Variants in KCNH8 observed in about 807,000 individuals in gnomAD.
KCNH8 encodes voltage-gated delayed rectifier potassium channel KCNH8.
A neutral mutation model predicts 103.6 loss-of-function variants in KCNH8; 70 were observed. The observed-to-expected ratio is 0.68, with a 90% confidence interval of 0.56 to 0.82. KCNH8 has a LOEUF of 0.82. Among genes scored for constraint, KCNH8 ranks in the 40% least tolerant of loss-of-function variants. KCNH8 has a pLI of 0.00. For synonymous variants in KCNH8, 498 were observed against 489.4 expected, an observed-to-expected ratio of 1.02 and a Z score of -0.23; for missense variants, 1,217 against 1,329.9, an observed-to-expected ratio of 0.92 and a Z score of 1.32.
intron 1 of KCNH8, among the ~76,000 whole-genome samples, chr3:19,151,713 A>G (rs2063132150): frequency 6.6e-6 from 1 of 151,954 alleles, no homozygotes; most frequent in Non-Finnish European, 1.5e-5. Flanking sequence ...TAACTTAGTG[A>G]CACTTTATTA....
chr3:19,279,424 C>T (rs552160057), intron 2 of KCNH8, among the ~76,000 whole-genome samples: 115 of 152,142 alleles, frequency 7.6e-4, no homozygotes, highest in South Asian at 1.5e-3. Context: ...ATGGGTTAAT[C>T]GACTTCCCTA....
chr3:19,278,819 G>A (rs546790552), intron 2 of KCNH8, among the ~76,000 whole-genome samples: 2 of 152,254 alleles, frequency 1.3e-5, no homozygotes, highest in East Asian at 1.9e-4. Context: ...AATATAATGT[G>A]AAATGATGGC....
At chr3:19,366,652 G>T (rs1022990215) in intron 5 of KCNH8, among the ~76,000 whole-genome samples, 10 of 151,730 alleles carry the variant, frequency 6.6e-5, no homozygotes, top group African/African-American at 2.4e-4. Flanking sequence ...CACTTTTCAA[G>T]TATGTTTTCT....
intron 3 of KCNH8, among the ~76,000 whole-genome samples, chr3:19,289,006 C>T (rs1159535161): frequency 6.6e-6 from 1 of 152,102 alleles, no homozygotes; most frequent in Non-Finnish European, 1.5e-5. Context: ...TTTCACGTGT[C>T]TTTTGGCTGC....
intron 11 of KCNH8, among the ~76,000 whole-genome samples, chr3:19,489,963 C>A (rs909701342): frequency 2.0e-5 from 3 of 152,204 alleles, no homozygotes; most frequent in African/African-American, 7.2e-5. Context: ...ACCAGTCTTA[C>A]CAAGTTTCAG....
At chr3:19,265,429 C>T (rs190672715) in intron 2 of KCNH8, among the ~76,000 whole-genome samples, 65 of 152,204 alleles carry the variant, frequency 4.3e-4, no homozygotes, top group African/African-American at 1.3e-3. Flanking sequence ...GCACAGACCG[C>T]ATGCCCATGA....
chr3:19,339,549 C>T (rs115475939), intron 3 of KCNH8, among the ~76,000 whole-genome samples: 140 of 152,136 alleles, frequency 9.2e-4, no homozygotes, highest in Non-Finnish European at 1.6e-3. Flanking sequence ...CTTAACTTTT[C>T]GCAGTAACAA....
intron 1 of KCNH8, among the ~76,000 whole-genome samples, chr3:19,152,575 A>G (rs1403880557): frequency 6.6e-6 from 1 of 152,168 alleles, no homozygotes; most frequent in Non-Finnish European, 1.5e-5. Flanking sequence ...TTGTTTAGAA[A>G]CTCATTAATA....
chr3:19,266,521 G>T (rs2064512853), intron 2 of KCNH8, among the ~76,000 whole-genome samples: 1 of 152,046 alleles, frequency 6.6e-6, no homozygotes, highest in Non-Finnish European at 1.5e-5. Flanking sequence ...ATGTGTCACA[G>T]TAGGCACCAC....
intron 2 of KCNH8, among the ~76,000 whole-genome samples, chr3:19,273,065 T>A (rs1227718933): frequency 6.6e-6 from 1 of 152,160 alleles, no homozygotes; most frequent in Non-Finnish European, 1.5e-5. Flanking sequence ...TTCTTTTGGA[T>A]CCTAAACTAG....
Position 19,451,286 on chromosome 3 carries a change from C to A in KCNH8, c.1707C>A (p.Thr569=). 6.2e-7 allele frequency: 1 copy of A among 1,613,952 alleles called. No individual in the cohort carries two copies. The highest frequency in any genetic ancestry group is 1.3e-5 in the African/African-American group (1 of 75,034). ...CLRSLSLHIK[T]SFCAPGEYLL... ...GGTCTCTGTCTCTACACATCAAAACCTCTTTCTGTGCTCCGGGGGAGTATC... is the reference window on the plus strand; with the variant it reads ...GGTCTCTGTCTCTACACATCAAAACATCTTTCTGTGCTCCGGGGGAGTATC... Residue 569 remains threonine (T), a synonymous_variant, in exon 10 of 16, where the codon ACC becomes ACA. Coordinates refer to ENST00000328405, the MANE Select transcript of KCNH8 (RefSeq NM_144633.3).
chr3:19,345,989 G>A (rs948451589), intron 4 of KCNH8, among the ~76,000 whole-genome samples: 19 of 152,078 alleles, frequency 1.2e-4, no homozygotes, highest in African/African-American at 4.6e-4. Context: ...TCACTTTTGA[G>A]TTTTCCCAAA....
At chr3:19,487,246 A>G (rs891130988) in intron 11 of KCNH8, among the ~76,000 whole-genome samples, 1 of 152,172 alleles carries the variant, frequency 6.6e-6, no homozygotes, top group African/African-American at 2.4e-5. Context: ...GTCTGATGCT[A>G]AAGAAGGCAT....
Position 19,370,618 on chromosome 3 carries a change from T to C in KCNH8, c.812-19863T>C, listed in dbSNP as rs550784700. Among the ~76,000 whole-genome samples the C allele has an allele frequency of 2.6e-5, 4 of 152,282 alleles. No individual in the cohort carries two copies. The South Asian group carries it at 6.2e-4, about 24-fold the overall frequency. On this transcript the variant is annotated intron_variant, in intron 5 of 15. Coordinates refer to ENST00000328405, the MANE Select transcript of KCNH8 (RefSeq NM_144633.3). Reference sequence around the variant, plus strand: ...GACTGTATACATATTTTATTTTATTTTTAATTATACTTTAAGTTTTAGGGT... The same window carrying C: ...GACTGTATACATATTTTATTTTATTCTTAATTATACTTTAAGTTTTAGGGT...
intron 11 of KCNH8, among the ~76,000 whole-genome samples, chr3:19,465,916 A>T (rs1428663875): frequency 6.6e-6 from 1 of 152,050 alleles, no homozygotes; most frequent in East Asian, 1.9e-4. Context: ...ACATATAAGA[A>T]GTTGCTTCTT....
intron 12 of KCNH8, 33 bp from the exon 13 acceptor site, chr3:19,512,937 G>T (rs767545976): frequency 6.3e-7 from 1 of 1,583,290 alleles, no homozygotes; most frequent in South Asian, 1.2e-5. Context: ...GGTTTTTGCA[G>T]TCTGTACTAA....
At chr3:19,243,320 C>T (rs1483583390) in intron 1 of KCNH8, among the ~76,000 whole-genome samples, 1 of 152,102 alleles carries the variant, frequency 6.6e-6, no homozygotes, top group East Asian at 1.9e-4. Context: ...AAGCAAGTAT[C>T]ACCTTAATTA....
At chr3:19,287,745 C>T (rs1434356282) in intron 3 of KCNH8, among the ~76,000 whole-genome samples, 1 of 152,102 alleles carries the variant, frequency 6.6e-6, no homozygotes, top group African/African-American at 2.4e-5. Flanking sequence ...GCCACCACAC[C>T]CAGCTAATTT....
At chr3:19,510,019 G>T (rs760040304) in intron 11 of KCNH8, among the ~76,000 whole-genome samples, 6 of 151,652 alleles carry the variant, frequency 4.0e-5, no homozygotes, top group Non-Finnish European at 8.8e-5. Flanking sequence ...AAAGGAGAGA[G>T]AATGAAGCAT....
Sources: allele counts gnomAD v4.1 joint callset (sites outside exome capture counted in the v4.1 genomes callset), GRCh38; gene constraint gnomAD v4.1.1; transcripts MANE v1.5; gene names NCBI Gene and HGNC (gene_info 2026-07-23, HGNC 2026-07-21).